Variants in TG observed in about 807,000 individuals in gnomAD.
TG encodes thyroglobulin.
Under a neutral mutation model 324.7 loss-of-function variants are expected in TG, and 270 were observed. That is an observed-to-expected ratio of 0.83 (90% CI 0.75 to 0.92). The LOEUF (loss-of-function observed/expected upper bound fraction) is 0.92. Among genes scored for constraint, TG ranks in the 40% least tolerant of loss-of-function variants. The probability of loss-of-function intolerance (pLI) is 0.00; values close to 1 mark genes in which losing one functional copy is unlikely to be tolerated. For missense variants in TG, 3,591 were observed against 3,456.4 expected (o/e 1.04, Z -0.98); for synonymous variants, 1,401 against 1,327.0 (o/e 1.06, Z -1.21).
intron 45 of TG, among the ~76,000 whole-genome samples, chr8:133,121,220 C>T (rs1851116362): frequency 6.6e-6 from 1 of 152,080 alleles, no homozygotes; most frequent in Non-Finnish European, 1.5e-5. Flanking sequence ...AGTTTTTAGG[C>T]TCTATGGGGC....
At chr8:133,080,546 C>T (rs1459681369) in intron 41 of TG, among the ~76,000 whole-genome samples, 1 of 152,144 alleles carries the variant, frequency 6.6e-6, no homozygotes, top group Admixed American at 6.5e-5. Flanking sequence ...AAGACTCAGG[C>T]CCTGCTGCTA....
At chr8:133,066,240 G>A (rs538824187) in intron 41 of TG, among the ~76,000 whole-genome samples, 1 of 151,202 alleles carries the variant, frequency 6.6e-6, no homozygotes, top group Admixed American at 6.6e-5. Context: ...GCAAGAGAAC[G>A]GCGTGAACCC....
At chr8:133,107,024 T>C (rs553673481) in intron 43 of TG, among the ~76,000 whole-genome samples, 3 of 152,220 alleles carry the variant, frequency 2.0e-5, no homozygotes, top group Non-Finnish European at 4.4e-5. Context: ...CTGATTTTCT[T>C]TTTAATCATT....
intron 21 of TG, among the ~76,000 whole-genome samples, chr8:132,922,572 C>T (rs569391468): frequency 6.6e-5 from 10 of 152,262 alleles, no homozygotes; most frequent in South Asian, 2.1e-4. Context: ...TGGGCTGGGA[C>T]GTCCAGAGAT....
chr8:133,074,349 C>G (rs1844544683), intron 41 of TG, among the ~76,000 whole-genome samples: 2 of 152,292 alleles, frequency 1.3e-5, no homozygotes, highest in Middle Eastern at 6.8e-3. Flanking sequence ...GACATCATGA[C>G]TCCAGCCTGA....
At chr8:133,111,087 T>G (rs1394157476) in intron 43 of TG, among the ~76,000 whole-genome samples, 5 of 152,226 alleles carry the variant, frequency 3.3e-5, no homozygotes, top group Non-Finnish European at 7.3e-5. Context: ...AAGTTTTGAC[T>G]CCAAACTCAA....
At chr8:132,935,906 C>T (rs747926722) in intron 25 of TG, 42 bp downstream of exon 25, 65 of 1,502,996 alleles carry the variant, frequency 4.3e-5, no homozygotes, top group Non-Finnish European at 5.8e-5. Context: ...GCGGTGGCTT[C>T]ACACGGTCAT....
intron 34 of TG, among the ~76,000 whole-genome samples, chr8:132,982,800 C>A (rs1831045471): frequency 6.6e-6 from 1 of 152,186 alleles, no homozygotes; most frequent in Non-Finnish European, 1.5e-5. Flanking sequence ...GTGCCTTGCC[C>A]AGTTCACAGA....
intron 37 of TG, among the ~76,000 whole-genome samples, chr8:133,015,670 G>A (rs1387991764): frequency 6.6e-6 from 1 of 152,180 alleles, no homozygotes; most frequent in African/African-American, 2.4e-5. Flanking sequence ...AAATGTGGCT[G>A]TTTCCTGCAT....
At chr8:133,015,318 G>A (rs1251337727) in intron 37 of TG, among the ~76,000 whole-genome samples, 3 of 152,172 alleles carry the variant, frequency 2.0e-5, no homozygotes, top group Non-Finnish European at 2.9e-5. Flanking sequence ...AAAGATGTGT[G>A]CACATATGCA....
intron 17 of TG, 31 bp downstream of exon 17, chr8:132,906,931 C>A (rs1818774009): frequency 1.6e-5 from 26 of 1,582,432 alleles, no homozygotes; most frequent in Non-Finnish European, 2.1e-5. Flanking sequence ...TATCCTGCAC[C>A]CCGCTCCCTC....
intron 43 of TG, among the ~76,000 whole-genome samples, chr8:133,110,896 C>T (rs542927261): frequency 2.6e-5 from 4 of 152,290 alleles, no homozygotes; most frequent in South Asian, 2.1e-4. Context: ...CAACCAGCCA[C>T]GACTAGGAGT....
At chr8:133,025,601 T>C (rs1036088493) in intron 40 of TG, among the ~76,000 whole-genome samples, 1 of 152,094 alleles carries the variant, frequency 6.6e-6, no homozygotes, top group South Asian at 2.1e-4. Flanking sequence ...CAGTTTACCT[T>C]GGGGTTCGTC....
intron 43 of TG, among the ~76,000 whole-genome samples, chr8:133,105,664 T>C (rs528405696): frequency 6.6e-6 from 1 of 152,230 alleles, no homozygotes; most frequent in African/African-American, 2.4e-5. Context: ...TTGGGAATCA[T>C]TAGCTTAATA....
At chr8:133,106,060 C>T (rs924206278) in intron 43 of TG, among the ~76,000 whole-genome samples, 11 of 152,024 alleles carry the variant, frequency 7.2e-5, no homozygotes, top group African/African-American at 2.7e-4. Flanking sequence ...GACTGCCAGG[C>T]AGGCACTTTA....
intron 25 of TG, 93 bp downstream of exon 25, chr8:132,935,957 C>T (rs1423793542): frequency 7.3e-6 from 7 of 956,330 alleles, no homozygotes; most frequent in Non-Finnish European, 1.2e-5. Flanking sequence ...GAGGAGGAGC[C>T]AGACTGTCCC....
At chr8:132,932,351 T>A (rs1314037324) in intron 23 of TG, among the ~76,000 whole-genome samples, 17 of 152,120 alleles carry the variant, frequency 1.1e-4, no homozygotes, top group Admixed American at 1.1e-3. Context: ...CTATCCCAGA[T>A]ACCAGTGGCT....
At chr8:133,023,203 G>A (rs1020806920) in intron 40 of TG, among the ~76,000 whole-genome samples, 1 of 152,210 alleles carries the variant, frequency 6.6e-6, no homozygotes, top group South Asian at 2.1e-4. Context: ...CATGGCATGA[G>A]GCCTTGGATG....
In TG at chr8:132,994,629, T is replaced by C. The variant is rs1459710335; in HGVS notation, c.6262+11217T>C. The C allele has an allele frequency of 4.1e-6, 5 of 1,225,126 alleles. No individual in the cohort carries two copies. The East Asian group carries it at 3.0e-4, about 73-fold the overall frequency. 75.9% of individuals were successfully genotyped at this position (1,225,126 alleles called of 1,614,324 possible). A position where few individuals can be genotyped will look rare whatever the true frequency, so the allele number is the denominator to read the frequency against. The stretch of plus-strand genomic sequence containing the variant: ...ATCCTTCAGTCATCCATTCATTTAT[T>C]CTCCCTTGTTGAGTGTGCTGAATTC... On this transcript the variant is annotated intron_variant, in intron 35 of 47. Coordinates refer to ENST00000220616, the MANE Select transcript of TG (RefSeq NM_003235.5).
Sources: gnomAD v4.1 joint callset for allele counts (sites outside exome capture counted in the v4.1 genomes callset) on GRCh38, gnomAD v4.1.1 for gene constraint, MANE v1.5 for transcripts, NCBI Gene and HGNC (gene_info 2026-07-23, HGNC 2026-07-21) for gene names.